The following DHRS7B variants were observed in gnomAD, a reference collection of about 807,000 sequenced individuals.
DHRS7B encodes the protein peroxisomal reductase activating PPAR-gamma.
A neutral mutation model predicts 26.4 loss-of-function variants in DHRS7B; 24 were observed. The ratio of observed to expected loss-of-function variants is 0.91; its 90% confidence interval spans 0.66 to 1.28. The LOEUF (loss-of-function observed/expected upper bound fraction) is 1.28. DHRS7B is among the 50% of genes most tolerant of loss of function. DHRS7B has a pLI of 0.00. For synonymous variants in DHRS7B, 142 were observed against 166.4 expected (o/e 0.85, Z 1.13); for missense variants, 368 against 419.4 (o/e 0.88, Z 1.07).
intron 3 of DHRS7B, among the ~76,000 whole-genome samples, chr17:21,180,657 C>T (rs753748751): frequency 4.8e-5 from 7 of 146,428 alleles, no homozygotes; most frequent in South Asian, 2.2e-4. Flanking sequence ...CTTAGAGGGA[C>T]GGGGTGGAGC....
At chr17:21,165,870 C>T (rs929824563) in intron 1 of DHRS7B, among the ~76,000 whole-genome samples, 17 of 144,204 alleles carry the variant, frequency 1.2e-4, no homozygotes, top group Admixed American at 3.6e-4. Flanking sequence ...GAGCAAAGAT[C>T]GCGGCACTGC....
chr17:21,141,185 A>G (rs1195178063), intron 1 of DHRS7B, among the ~76,000 whole-genome samples: 1 of 151,874 alleles, frequency 6.6e-6, no homozygotes, highest in Non-Finnish European at 1.5e-5. Flanking sequence ...GCGGAACTTA[A>G]CCCCCAGACA....
intron 1 of DHRS7B, among the ~76,000 whole-genome samples, chr17:21,148,250 G>T (rs1450647385): frequency 6.6e-6 from 1 of 151,702 alleles, no homozygotes; most frequent in African/African-American, 2.4e-5. Context: ...ATTCAAAATA[G>T]TAGTTTCAAG....
intron 3 of DHRS7B, among the ~76,000 whole-genome samples, chr17:21,179,170 C>T (rs1255811622): frequency 6.6e-6 from 1 of 152,008 alleles, no homozygotes; most frequent in African/African-American, 2.4e-5. Context: ...CCAGATTGGT[C>T]TTGGACTTGT....
intron 1 of DHRS7B, among the ~76,000 whole-genome samples, chr17:21,139,030 C>A (rs1444126361): frequency 6.6e-6 from 1 of 152,178 alleles, no homozygotes; most frequent in Non-Finnish European, 1.5e-5. Flanking sequence ...TTTGACCTAA[C>A]TAAACTTCAT....
chr17:21,160,192 A>G (rs1267338972), intron 1 of DHRS7B, among the ~76,000 whole-genome samples: 1 of 152,050 alleles, frequency 6.6e-6, no homozygotes, highest in African/African-American at 2.4e-5. Flanking sequence ...CGTCTCTACT[A>G]AAAAATATAC....
intron 1 of DHRS7B, among the ~76,000 whole-genome samples, chr17:21,132,805 T>C (rs563855302): frequency 4.6e-5 from 7 of 152,314 alleles, no homozygotes; most frequent in South Asian, 2.1e-4. Context: ...AAACTTCTTA[T>C]AACAAGGTGA....
intron 1 of DHRS7B, among the ~76,000 whole-genome samples, chr17:21,132,081 T>C (rs980682016): frequency 1.3e-5 from 2 of 152,158 alleles, no homozygotes; most frequent in African/African-American, 4.8e-5. Flanking sequence ...AGAGTTTAAC[T>C]GAACAAAGAA....
chr17:21,148,145 G>A (rs1973681950), intron 1 of DHRS7B, among the ~76,000 whole-genome samples: 1 of 151,882 alleles, frequency 6.6e-6, no homozygotes, highest in East Asian at 1.9e-4. Context: ...AAACTCCTGG[G>A]CTCAAGCAAT....
At chr17:21,159,862 C>CAAAAAAAA (rs59176427) in intron 1 of DHRS7B, among the ~76,000 whole-genome samples, 1 of 62,200 alleles carries the variant, frequency 1.6e-5, no homozygotes, top group African/African-American at 6.1e-5. Flanking sequence ...GACCCTGTCT[C>CAAAAAAAA]AAAAAAAAAA....
intron 3 of DHRS7B, among the ~76,000 whole-genome samples, chr17:21,178,580 C>G (rs1044195593): frequency 6.6e-6 from 1 of 151,940 alleles, no homozygotes; most frequent in East Asian, 1.9e-4. Context: ...AGAAAGTTCT[C>G]TTTTCTCCCT....
At chr17:21,139,742 C>T (rs913377792) in intron 1 of DHRS7B, among the ~76,000 whole-genome samples, 1 of 151,878 alleles carries the variant, frequency 6.6e-6, no homozygotes, top group Non-Finnish European at 1.5e-5. Flanking sequence ...TGAATGCTGG[C>T]AATTGTTAAG....
At chr17:21,187,879 C>T (rs1009637575) in intron 5 of DHRS7B, among the ~76,000 whole-genome samples, 56 of 151,702 alleles carry the variant, frequency 3.7e-4, no homozygotes, top group African/African-American at 1.1e-3. Flanking sequence ...GATGGAGTCT[C>T]GCTCTGTCGC....
At chr17:21,171,599 A>G (rs1477925760) in intron 1 of DHRS7B, 1 of 297,782 alleles carries the variant, frequency 3.4e-6, no homozygotes, top group African/African-American at 2.2e-5. Flanking sequence ...CCTTTCCTCA[A>G]AAAACCCCTT....
chr17:21,191,082 C>A lies in DHRS7B; in HGVS notation c.907C>A (p.Leu303Met). 1 of 1,614,204 alleles carries A rather than the reference C, an allele frequency of 6.2e-7. No individual in the cohort carries two copies. Among genetic ancestry groups the A allele is most frequent in the Non-Finnish European group, 8.5e-7 (1 of 1,180,050 alleles). The change falls in exon 7 of 7, where the codon CTG becomes ATG. Residue 303 changes from leucine (L) to methionine (M), a missense_variant. Transcript: ENST00000395511. ...LPSLAVYLRT[L>M]APGLFFSLMA... is the part of the protein sequence containing the mutation. ...TTCCTTGGCTGTTTATCTTCGAACT[C>A]TGGCTCCTGGGCTCTTCTTCAGCCT...
At chr17:21,141,640 A>AAAAAAACAAAG in intron 1 of DHRS7B, among the ~76,000 whole-genome samples, 2 of 90,078 alleles carry the variant, frequency 2.2e-5, no homozygotes, top group Non-Finnish European at 4.1e-5. Context: ...AAAAAAAAAA[A>AAAAAAACAAAG]CAACCTCATC....
intron 1 of DHRS7B, among the ~76,000 whole-genome samples, chr17:21,146,002 C>T (rs144663975): frequency 1.2e-3 from 178 of 152,284 alleles, no homozygotes; most frequent in Non-Finnish European, 1.7e-3. Context: ...CCATTTTCTT[C>T]GTTCGTTCTC....
chr17:21,166,051 C>A, intron 1 of DHRS7B: 2 of 629,938 alleles, frequency 3.2e-6, no homozygotes, highest in African/African-American at 2.0e-5. Context: ...GCGGGCTCTG[C>A]CTCCTGTTCA....
intron 1 of DHRS7B, among the ~76,000 whole-genome samples, chr17:21,170,815 C>T (rs1974223606): frequency 6.6e-6 from 1 of 152,086 alleles, no homozygotes; most frequent in African/African-American, 2.4e-5. Context: ...TTCCTGGCTT[C>T]ACTCTGGCAT....
Sources: gnomAD v4.1 joint callset for allele counts (sites outside exome capture counted in the v4.1 genomes callset) on GRCh38, gnomAD v4.1.1 for gene constraint, MANE v1.5 for transcripts, NCBI Gene and HGNC (gene_info 2026-07-23, HGNC 2026-07-21) for gene names.